Variants in MERTK observed in about 807,000 individuals in gnomAD.
MERTK encodes the protein tyrosine-protein kinase Mer.
Under a neutral mutation model 99.3 loss-of-function variants are expected in MERTK, and 69 were observed. The observed-to-expected ratio is 0.70, with a 90% confidence interval of 0.57 to 0.85. The LOEUF (loss-of-function observed/expected upper bound fraction) is 0.85, where lower values mean the gene tolerates loss of function less well. MERTK is among the 40% of genes least tolerant of loss of function. The pLI, the probability that MERTK is intolerant of heterozygous loss-of-function variation, is 0.00. For synonymous variants in MERTK, 426 were observed against 467.6 expected (o/e 0.91, Z 1.15); for missense variants, 1,125 against 1,249.4 (o/e 0.90, Z 1.50).
chr2:112,017,911 C>G (rs1216604308), intron 15 of MERTK, among the ~76,000 whole-genome samples: 3 of 152,080 alleles, frequency 2.0e-5, no homozygotes, highest in Non-Finnish European at 1.5e-5. Flanking sequence ...AATACAAAAC[C>G]CAACTCAAAA....
At chr2:111,986,818 C>T (rs1237431632) in intron 8 of MERTK, among the ~76,000 whole-genome samples, 1 of 152,184 alleles carries the variant, frequency 6.6e-6, no homozygotes, top group Non-Finnish European at 1.5e-5. Flanking sequence ...TGCATCATGA[C>T]AGTCTTGTGA....
chr2:112,019,776 G>C (rs1367970346), intron 16 of MERTK, among the ~76,000 whole-genome samples: 1 of 152,196 alleles, frequency 6.6e-6, no homozygotes, highest in Non-Finnish European at 1.5e-5. Context: ...CACTCGGTAG[G>C]AATGCAAGGT....
rs938745141 is a variant in MERTK, at chr2:111,973,369, C to T, written c.961-1920C>T. Among the ~76,000 whole-genome samples, 4 of 152,104 alleles carry T rather than the reference C, an allele frequency of 2.6e-5. 1 individual carries two copies. Among genetic ancestry groups the T allele is most frequent in the Admixed American group, 1.3e-4 (2 of 15,270 alleles). On this transcript the variant is annotated intron_variant, in intron 6 of 18. Coordinates refer to ENST00000295408, the MANE Select transcript of MERTK (RefSeq NM_006343.3). ...TGCCAACAGCCACCACCAAGACAAG[C>T]GTCTGGGTTCTCGTTTCTCCTCTGG...
chr2:111,940,595 C>T (rs772758081), intron 2 of MERTK: 1 of 650,820 alleles, frequency 1.5e-6, no homozygotes, highest in African/African-American at 1.8e-5. Flanking sequence ...ACCAGGCAAT[C>T]ATCATGACAT....
intron 1 of MERTK, among the ~76,000 whole-genome samples, chr2:111,907,051 T>A (rs1475284948): frequency 6.6e-6 from 1 of 152,050 alleles, no homozygotes; most frequent in East Asian, 1.9e-4. Context: ...TGTGCGTGAC[T>A]CTCGGTGTGA....
chr2:111,995,872 A>G (rs981532453), intron 9 of MERTK, among the ~76,000 whole-genome samples: 9 of 152,166 alleles, frequency 5.9e-5, no homozygotes, highest in African/African-American at 2.2e-4. Flanking sequence ...GCTTGAGCCC[A>G]GGAGGTGGAG....
chr2:111,951,522 C>CATATATATATATATATATATATATAT lies in MERTK; in HGVS notation c.757+3957_757+3982dup, dbSNP rs56410508. ...TTTTGTACACGCTGAATAATATTCC[C>CATATATATATATATATATATATATAT]ATATATATATATATATATATATATA... On this transcript the variant is annotated intron_variant, in intron 4 of 18. Coordinates refer to ENST00000295408, the MANE Select transcript of MERTK (RefSeq NM_006343.3). 7.2e-3 allele frequency among the ~76,000 whole-genome samples: 613 copies of CATATATATATATATATATATATATAT among 85,628 alleles called. 39 individuals are homozygous for CATATATATATATATATATATATATAT. Among genetic ancestry groups the CATATATATATATATATATATATATAT allele is most frequent in the Non-Finnish European group, 0.011 (437 of 39,806 alleles). 56.2% of individuals were successfully genotyped at this position (85,628 alleles called of 152,430 possible).
intron 1 of MERTK, among the ~76,000 whole-genome samples, chr2:111,912,043 C>A (rs11123035): frequency 0.51 from 77,347 of 151,526 alleles, 19,994 homozygotes; most frequent in Middle Eastern, 0.57. Context: ...CACGCTGTCA[C>A]CCCGGCTGGA....
intron 1 of MERTK, 36 bp from the exon 2 acceptor site, chr2:111,929,084 T>C (rs753351445): frequency 3.7e-6 from 6 of 1,613,798 alleles, no homozygotes; most frequent in South Asian, 1.1e-5. Flanking sequence ...ACTCTTCTTA[T>C]TTAAAAGGCT....
intron 13 of MERTK, 111 bp from the exon 14 acceptor site, chr2:112,008,272 A>T (rs949822177): frequency 2.6e-6 from 2 of 782,062 alleles, no homozygotes; most frequent in Non-Finnish European, 4.4e-6. Context: ...CTGTCTCTAT[A>T]CTTTCATCTC....
At chr2:111,927,466 A>T (rs1331276503) in intron 1 of MERTK, among the ~76,000 whole-genome samples, 1 of 152,234 alleles carries the variant, frequency 6.6e-6, no homozygotes, top group East Asian at 1.9e-4. Context: ...AATTTAAAAA[A>T]TTCCAGCCTG....
At chr2:111,923,428 A>T (rs561575103) in intron 1 of MERTK, among the ~76,000 whole-genome samples, 2 of 152,320 alleles carry the variant, frequency 1.3e-5, no homozygotes, top group South Asian at 2.1e-4. Flanking sequence ...GCTGCACCAC[A>T]CAAGTCCAGG....
At position 112,008,436 on chromosome 2, in the gene MERTK, A is replaced by C. The variant is rs776467961; in HGVS notation, c.1921A>C (p.Met641Leu). 4 of 1,614,186 alleles carry C rather than the reference A, an allele frequency of 2.5e-6. No individual in the cohort carries two copies. Among genetic ancestry groups the C allele is most frequent in the Non-Finnish European group, 1.7e-6 (2 of 1,180,032 alleles). Reference protein sequence around the residue: ...IEEFLSEAACMKDFSHPNVIR... With the variant: ...IEEFLSEAACLKDFSHPNVIR... ...GGAGTTTCTCAGTGAGGCAGCGTGCATGAAAGACTTCAGCCACCCAAATGT... is the reference window on the plus strand; with the variant it reads ...GGAGTTTCTCAGTGAGGCAGCGTGCCTGAAAGACTTCAGCCACCCAAATGT... The change falls in exon 14 of 19, where the codon ATG (methionine) becomes CTG (leucine). Residue 641 changes from methionine to leucine, a missense_variant. Met to Leu is a conservative substitution (Grantham distance 15). Transcript: ENST00000295408.
At chr2:111,986,095 G>T (rs1214217455) in intron 8 of MERTK, among the ~76,000 whole-genome samples, 1 of 152,216 alleles carries the variant, frequency 6.6e-6, no homozygotes, top group Non-Finnish European at 1.5e-5. Flanking sequence ...GAAGCAGACT[G>T]TTGGAAGCAG....
chr2:111,997,578 A>C, intron 10 of MERTK, 102 bp downstream of exon 10: 1 of 1,389,702 alleles, frequency 7.2e-7, no homozygotes, highest in East Asian at 2.4e-5. Context: ...CATTGCTCCC[A>C]GATGGCTGCC....
chr2:112,001,459 G>A (rs1046351220), intron 11 of MERTK, among the ~76,000 whole-genome samples, 173 bp downstream of exon 11: 1 of 152,198 alleles, frequency 6.6e-6, no homozygotes, highest in African/African-American at 2.4e-5. Flanking sequence ...GCCATGCACA[G>A]CTCTGTGGGC....
rs1573578108 is a variant in MERTK at position 111,929,440 on chromosome 2, A to G, written c.382A>G (p.Ile128Val). The G allele has an allele frequency of 6.2e-7, 1 of 1,614,104 alleles. No individual in the cohort carries two copies. Among genetic ancestry groups the G allele is most frequent in the Non-Finnish European group, 8.5e-7 (1 of 1,179,980 alleles). ...SVPNIYQDTTISWWKDGKELL... is the reference protein window; with the variant it reads ...SVPNIYQDTTVSWWKDGKELL... ...ACCTAATATATACCAGGACACCACA[A>G]TTTCTTGGTGGAAAGATGGGAAGGA... is the stretch of plus-strand genomic sequence containing the variant. Residue 128 changes from isoleucine (I) to valine (V), a missense_variant, in exon 2 of 19, where the codon ATT becomes GTT. Ile to Val is a conservative substitution (Grantham distance 29). Coordinates refer to ENST00000295408, the MANE Select transcript of MERTK (RefSeq NM_006343.3).
intron 7 of MERTK, among the ~76,000 whole-genome samples, chr2:111,979,807 T>G (rs1408180405): frequency 6.6e-6 from 1 of 152,152 alleles, no homozygotes; most frequent in East Asian, 1.9e-4. Flanking sequence ...TCTGGATATC[T>G]CAATTATTTT....
At chr2:111,928,400 G>A (rs1407635499) in intron 1 of MERTK, among the ~76,000 whole-genome samples, 1 of 150,882 alleles carries the variant, frequency 6.6e-6, no homozygotes, top group Non-Finnish European at 1.5e-5. Context: ...TAATTTTTGG[G>A]GTGGTTTTTT....
Sources: gnomAD v4.1 joint callset for allele counts (sites outside exome capture counted in the v4.1 genomes callset) on GRCh38, gnomAD v4.1.1 for gene constraint, MANE v1.5 for transcripts, NCBI Gene and HGNC (gene_info 2026-07-23, HGNC 2026-07-21) for gene names.